The following ITPA variants were observed in gnomAD, a reference collection of about 807,000 sequenced individuals.
The protein encoded by ITPA is inosine triphosphate pyrophosphatase.
In ITPA, 29 loss-of-function variants were observed where a neutral mutation model predicts 29.6. That is an observed-to-expected ratio of 0.98 (90% confidence interval 0.73 to 1.34). The LOEUF is 1.34. ITPA is among the 40% of genes most tolerant of loss of function. The probability of loss-of-function intolerance (pLI) is 0.00; values close to 1 mark genes in which losing one functional copy is unlikely to be tolerated. For synonymous variants in ITPA, 103 were observed against 99.3 expected (o/e 1.04, Z -0.22); for missense variants, 241 against 251.5 (o/e 0.96, Z 0.28).
At position 3,214,030 on chromosome 20, in the gene ITPA, G is replaced by A; in HGVS notation, c.235G>A (p.Ala79Thr). 6.2e-7 allele frequency: 1 copy of A among 1,614,192 alleles called. No individual in the cohort carries two copies. The highest frequency in any genetic ancestry group is 8.5e-7 in the Non-Finnish European group (1 of 1,180,048). The change falls in exon 4 of 8, where the codon GCC (alanine) becomes ACC (threonine). Residue 79 changes from alanine (A) to threonine (T), a missense_variant. Ala to Thr is a moderately conservative substitution (Grantham distance 58). Transcript: ENST00000380113. Reference protein sequence around the residue: ...LVEDTCLCFNALGGLPGPYIK... With the variant: ...LVEDTCLCFNTLGGLPGPYIK... Reference sequence around the variant, plus strand: ...TGAGGACACTTGTCTGTGCTTCAATGCCCTTGGAGGGCTCCCCGGCCCCTA... The same window carrying A: ...TGAGGACACTTGTCTGTGCTTCAATACCCTTGGAGGGCTCCCCGGCCCCTA...
chr20:3,204,633 G>C (rs752491480), upstream of ITPA: 4 of 1,576,104 alleles, frequency 2.5e-6, no homozygotes. Context: ...ACCATGACGA[G>C]GGCCTCAGTG....
At chr20:3,207,782 G>A (rs371598720), upstream of ITPA, among the ~76,000 whole-genome samples, 19 of 152,024 alleles carry the variant, frequency 1.2e-4, no homozygotes, top group East Asian at 7.8e-4. Context: ...ATATCACGAC[G>A]TCAGGAGTTC....
At position 3,218,637 on chromosome 20, in the gene ITPA, G is replaced by C. The variant is rs1299283367; in HGVS notation, c.411+5G>C. ...CTGTTCAGGGGCCGGACCTCGGTGC[G>C]TACCCACCTTGATGCAGTTCCCGCC... On this transcript the variant is annotated splice_donor_5th_base_variant and intron_variant, in intron 6 of 7. Coordinates refer to ENST00000380113, the MANE Select transcript of ITPA (RefSeq NM_033453.4). 6.2e-7 allele frequency: 1 copy of C among 1,604,048 alleles called. No homozygotes were observed. The highest frequency in any genetic ancestry group is 1.3e-5 in the African/African-American group (1 of 74,754).
Position 3,209,811 on chromosome 20 carries a change from C to T in ITPA, c.66+194C>T, listed in dbSNP as rs1352128117. Among the ~76,000 whole-genome samples, 1 of 152,114 alleles carries T rather than the reference C, an allele frequency of 6.6e-6. No individual in the cohort carries two copies. Among genetic ancestry groups the T allele is most frequent in the Non-Finnish European group, 1.5e-5 (1 of 68,002 alleles). ...GAGTGGCTGCAGAATCGGGGCGCCC[C>T]GGGGTTGGCGAGGGAACGAGGGTCT... On this transcript the variant is annotated intron_variant, in intron 1 of 7. Coordinates refer to ENST00000380113, the MANE Select transcript of ITPA (RefSeq NM_033453.4). The surrounding 1 kb of genome is among the most constrained non-coding windows in gnomAD (Gnocchi z 4.6).
chr20:3,214,363 C>CTTTTTTT (rs57982806), intron 4 of ITPA, among the ~76,000 whole-genome samples: 1 of 112,912 alleles, frequency 8.9e-6, no homozygotes, highest in Non-Finnish European at 1.8e-5. Flanking sequence ...TTCTTCCTTT[C>CTTTTTTT]TTTTTTTTTT....
intron 6 of ITPA, among the ~76,000 whole-genome samples, chr20:3,219,340 G>A (rs2067400502): frequency 6.6e-6 from 1 of 150,898 alleles, no homozygotes; most frequent in South Asian, 2.1e-4. Flanking sequence ...CAGGTTTGGT[G>A]ATTTACACCT....
chr20:3,225,386 G>C (rs950312881), downstream of ITPA, among the ~76,000 whole-genome samples: 2 of 152,108 alleles, frequency 1.3e-5, no homozygotes, highest in African/African-American at 4.8e-5. Flanking sequence ...TCCACCCCCC[G>C]CCACACCTCC....
chr20:3,214,359 CTTTCT>C (rs1172685771), intron 4 of ITPA, among the ~76,000 whole-genome samples: 1 of 118,548 alleles, frequency 8.4e-6, no homozygotes, highest in Non-Finnish European at 1.7e-5. Flanking sequence ...TTCTTTCTTC[CTTTCT>C]TTTTTTTTTT....
chr20:3,204,653 T>G (rs201087706), upstream of ITPA: 7 of 1,559,184 alleles, frequency 4.5e-6, no homozygotes, highest in South Asian at 2.3e-5. Flanking sequence ...GCAGAACCAC[T>G]GCGTCCACCC....
At chr20:3,218,417 T>G in intron 5 of ITPA, 100 bp from the exon 6 acceptor site, 3 of 841,046 alleles carry the variant, frequency 3.6e-6, no homozygotes, top group Non-Finnish European at 6.1e-6. Context: ...AATTTCCCCT[T>G]TTAGGGAATT....
At chr20:3,204,763 G>A, upstream of ITPA, 1 of 799,856 alleles carries the variant, frequency 1.3e-6, no homozygotes, top group East Asian at 2.7e-5. Flanking sequence ...AGGCTTTAAT[G>A]TCAGACATTA....
At chr20:3,206,746 G>A (rs1284192229), upstream of ITPA, among the ~76,000 whole-genome samples, 1 of 151,780 alleles carries the variant, frequency 6.6e-6, no homozygotes, top group Admixed American at 6.6e-5. Flanking sequence ...CAGGAGAATG[G>A]TGGGGACCCG....
At position 3,215,308 on chromosome 20, in the gene ITPA, T is replaced by G. The variant is rs145329644; in HGVS notation, c.291T>G (p.Pro97=). 423 of 1,613,844 alleles carry G rather than the reference T, an allele frequency of 2.6e-4. 2 individuals carry two copies. The Admixed American group carries it at 5.8e-3, about 22-fold the overall frequency. The change falls in exon 5 of 8, where the codon CCT becomes CCG. Residue 97 remains proline (P), a synonymous_variant. Coordinates refer to ENST00000380113, the MANE Select transcript of ITPA (RefSeq NM_033453.4). ...YIKWFLEKLK[P]EGLHQLLAGF... ...AGTGGTTTCTGGAGAAGTTAAAGCC[T>G]GAAGGTATTATCTGCTTTGTTTCTT...
chr20:3,226,586 CCTT>C (rs1302824894), downstream of ITPA, among the ~76,000 whole-genome samples: 6 of 152,220 alleles, frequency 3.9e-5, no homozygotes, highest in Admixed American at 3.9e-4. This position sits in a 1 kb window ranked among gnomAD's most constrained non-coding sequence, Gnocchi z 4.4. Context: ...GGTTGGGCCT[CCTT>C]CTTCCCCTGT....
chr20:3,210,749 C>T (rs981524751), intron 1 of ITPA, among the ~76,000 whole-genome samples: 1 of 152,134 alleles, frequency 6.6e-6, no homozygotes, highest in African/African-American at 2.4e-5. Context: ...ATATTGCCCT[C>T]ACTTAAAGAA....
At chr20:3,213,027 C>G in intron 1 of ITPA, 142 bp from the exon 2 acceptor site, 1 of 845,946 alleles carries the variant, frequency 1.2e-6, no homozygotes, top group East Asian at 2.5e-5. Flanking sequence ...CCCTGAAAGC[C>G]GGGGTGAGGC....
chr20:3,219,574 G>A lies in ITPA; in HGVS notation c.411+942G>A, dbSNP rs138387853. Among the ~76,000 whole-genome samples, 1,068 of 151,714 alleles carry A rather than the reference G, an allele frequency of 7.0e-3. 11 individuals carry two copies. The highest frequency in any genetic ancestry group is 0.023 in the African/African-American group (932 of 41,356). On this transcript the variant is annotated intron_variant, in intron 6 of 7. Transcript: ENST00000380113. ...AGCCTGGATAACACAGCAAAACCCC[G>A]TCTCAACTAAAAATACAAAAAATAT... is the stretch of plus-strand genomic sequence containing the variant.
chr20:3,213,996 CGTG>C lies in ITPA; in HGVS notation c.202_204del (p.Val68del). The C allele has an allele frequency of 6.2e-7, 1 of 1,614,146 alleles. No individual in the cohort carries two copies. Among genetic ancestry groups the C allele is most frequent in the Non-Finnish European group, 8.5e-7 (1 of 1,180,020 alleles). On this transcript the variant is annotated inframe_deletion, in exon 4 of 8. Transcript: ENST00000380113. ...TCTTTGTGCTGCAGGTACAGGGGCC[CGTG>C]CTGGTTGAGGACACTTGTCTGTGCT...
chr20:3,220,203 G>T (rs957551631), intron 6 of ITPA, among the ~76,000 whole-genome samples: 2 of 151,796 alleles, frequency 1.3e-5, no homozygotes, highest in Non-Finnish European at 2.9e-5. Flanking sequence ...GACTACAGGC[G>T]TGCACCACCA....
Sources: gnomAD v4.1 joint callset for allele counts (sites outside exome capture counted in the v4.1 genomes callset) on GRCh38, gnomAD v4.1.1 for gene constraint, Gnocchi (gnomAD v3.1) non-coding constraint, MANE v1.5 for transcripts, NCBI Gene and HGNC (gene_info 2026-07-23, HGNC 2026-07-21) for gene names.